The following ATF2 variants were observed in gnomAD, a reference collection of about 807,000 sequenced individuals.
ATF2 encodes activating transcription factor 2.
Under a neutral mutation model 60.6 loss-of-function variants are expected in ATF2, and 24 were observed. The ratio of observed to expected loss-of-function variants is 0.40; its 90% CI spans 0.29 to 0.56. The LOEUF (loss-of-function observed/expected upper bound fraction) is 0.56, where lower values mean the gene tolerates loss of function less well. Ranked by LOEUF, ATF2 falls within the 20% of genes least tolerant of loss-of-function variation. The pLI is 0.54. For missense variants in ATF2, 433 were observed against 607.7 expected (o/e 0.71, Z 3.02); for synonymous variants, 206 against 215.4 (o/e 0.96, Z 0.38).
At chr2:175,110,974 G>T (rs934771272) in intron 10 of ATF2, among the ~76,000 whole-genome samples, 4 of 152,082 alleles carry the variant, frequency 2.6e-5, no homozygotes, top group African/African-American at 9.7e-5. Context: ...ATAGGATTTA[G>T]GGTTAAGAAG....
At chr2:175,084,173 G>A (rs1344723409) in intron 12 of ATF2, among the ~76,000 whole-genome samples, 4 of 151,984 alleles carry the variant, frequency 2.6e-5, no homozygotes, top group African/African-American at 9.7e-5. Context: ...AAATCATGCT[G>A]CTATAAAGAC....
intron 1 of ATF2, among the ~76,000 whole-genome samples, chr2:175,157,425 G>C (rs1358884131): frequency 6.6e-6 from 1 of 152,188 alleles, no homozygotes; most frequent in African/African-American, 2.4e-5. Flanking sequence ...GATTGGGCAA[G>C]AAGCAAACGT....
intron 2 of ATF2, among the ~76,000 whole-genome samples, chr2:175,145,285 T>C (rs1211920374): frequency 6.6e-6 from 1 of 152,110 alleles, no homozygotes; most frequent in East Asian, 1.9e-4. Flanking sequence ...ATGTTGGAGG[T>C]AGGGCCTGGT....
intron 4 of ATF2, among the ~76,000 whole-genome samples, chr2:175,122,114 TAAA>T: frequency 6.6e-6 from 1 of 151,990 alleles, no homozygotes; most frequent in Admixed American, 6.6e-5. Context: ...CATTTTAAAA[TAAA>T]AAAATTTAAA....
intron 1 of ATF2, among the ~76,000 whole-genome samples, chr2:175,155,976 T>C (rs112985905): frequency 3.0e-4 from 45 of 152,300 alleles, no homozygotes; most frequent in Non-Finnish European, 6.3e-4. Context: ...TATGAGTGTA[T>C]TAGGCAGAAT....
At chr2:175,127,451 CT>C (rs1284831320) in intron 4 of ATF2, among the ~76,000 whole-genome samples, 1 of 152,072 alleles carries the variant, frequency 6.6e-6, no homozygotes, top group African/African-American at 2.4e-5. Context: ...CTGTTAACAC[CT>C]AATTCAAACC....
intron 4 of ATF2, among the ~76,000 whole-genome samples, chr2:175,124,921 C>T (rs1697220799): frequency 6.6e-6 from 1 of 152,000 alleles, no homozygotes; most frequent in African/African-American, 2.4e-5. Context: ...CACTTTAAAA[C>T]AAGTGAAATT....
chr2:175,157,540 T>G (rs557662258), intron 1 of ATF2, among the ~76,000 whole-genome samples: 2 of 152,314 alleles, frequency 1.3e-5, no homozygotes, highest in African/African-American at 4.8e-5. Flanking sequence ...GCCAATATGT[T>G]CACCACTAAG....
Position 175,074,570 on chromosome 2 carries a change from C to T in ATF2, c.*39G>A, listed in dbSNP as rs753463114. The T allele has an allele frequency of 8.9e-6, 14 of 1,574,812 alleles. No individual in the cohort carries two copies. The African/African-American group carries it at 1.8e-4, about 20-fold the overall frequency. ...TTTCCTTGATTTCCCTTTGAAGTCACTAATGAGTATCTAAAACTGTTGTAC... is the reference window on the plus strand; with the variant it reads ...TTTCCTTGATTTCCCTTTGAAGTCATTAATGAGTATCTAAAACTGTTGTAC... On this transcript the variant is annotated 3_prime_UTR_variant, in exon 14 of 14. Coordinates refer to ENST00000264110, the MANE Select transcript of ATF2 (RefSeq NM_001880.4).
chr2:175,146,400 A>G (rs1374928100), intron 2 of ATF2, among the ~76,000 whole-genome samples: 4 of 152,242 alleles, frequency 2.6e-5, no homozygotes, highest in Admixed American at 6.5e-5. Context: ...TAGTAGCAAT[A>G]TATCAATGTT....
At chr2:175,136,519 A>G (rs1698152897) in intron 2 of ATF2, 33 bp from the exon 3 acceptor site, 1 of 1,339,160 alleles carries the variant, frequency 7.5e-7, no homozygotes. Flanking sequence ...ACTGTTAAAA[A>G]TAGTTCTGAA....
chr2:175,086,312 C>A (rs931062503), intron 12 of ATF2, among the ~76,000 whole-genome samples: 3 of 152,118 alleles, frequency 2.0e-5, no homozygotes, highest in African/African-American at 7.2e-5. Context: ...AAATGAGACA[C>A]AATTACTGGC....
At chr2:175,077,808 A>G (rs1693449501) in intron 13 of ATF2, among the ~76,000 whole-genome samples, 1 of 152,184 alleles carries the variant, frequency 6.6e-6, no homozygotes. Context: ...ACCTATGTCC[A>G]GTTCTAGGTG....
chr2:175,136,252 AAAC>A (rs1698137573), intron 3 of ATF2, among the ~76,000 whole-genome samples, 157 bp downstream of exon 3: 1 of 152,146 alleles, frequency 6.6e-6, no homozygotes, highest in African/African-American at 2.4e-5. Context: ...GATTATTTAA[AAAC>A]AAAATAGGAG....
At chr2:175,076,297 C>T (rs1365936584) in intron 13 of ATF2, among the ~76,000 whole-genome samples, 1 of 151,944 alleles carries the variant, frequency 6.6e-6, no homozygotes, top group Non-Finnish European at 1.5e-5. Context: ...TGCTATAAAT[C>T]AAAACCATAC....
intron 2 of ATF2, among the ~76,000 whole-genome samples, chr2:175,146,346 T>C (rs1196718366): frequency 6.6e-6 from 1 of 152,178 alleles, no homozygotes; most frequent in Admixed American, 6.5e-5. Context: ...TGAAGTACAT[T>C]ATCAGAACAA....
intron 10 of ATF2, among the ~76,000 whole-genome samples, 186 bp downstream of exon 10, chr2:175,111,382 T>TG (rs1696173409): frequency 6.6e-6 from 1 of 152,190 alleles, no homozygotes; most frequent in African/African-American, 2.4e-5. Context: ...TTTTAAAGTA[T>TG]CACTAACTAC....
chr2:175,145,703 T>C (rs1574478687), intron 2 of ATF2, among the ~76,000 whole-genome samples: 2 of 152,126 alleles, frequency 1.3e-5, no homozygotes, highest in African/African-American at 4.8e-5. Flanking sequence ...GGTCTTGTAG[T>C]GGAAATAAAG....
At chr2:175,145,612 G>A (rs7603533) in intron 2 of ATF2, among the ~76,000 whole-genome samples, 14,013 of 152,078 alleles carry the variant, frequency 0.092, 684 homozygotes, top group Middle Eastern at 0.17. Flanking sequence ...GGCCTAATAC[G>A]GTGCGTAAAT....
Sources: allele counts gnomAD v4.1 joint callset (sites outside exome capture counted in the v4.1 genomes callset), GRCh38; gene constraint gnomAD v4.1.1; transcripts MANE v1.5; gene names NCBI Gene and HGNC (gene_info 2026-07-23, HGNC 2026-07-21).